The following AGBL1 variants were observed in gnomAD, a reference collection of about 807,000 sequenced individuals.
AGBL1 encodes the protein cytosolic carboxypeptidase 4.
AGBL1 carries 130 observed loss-of-function variants against 118.9 expected under a neutral mutation model. The ratio of observed to expected loss-of-function variants is 1.09; its 90% CI spans 0.95 to 1.26. AGBL1 has a LOEUF of 1.26. AGBL1 is among the 50% of genes most tolerant of loss of function. AGBL1 has a pLI of 0.00. For missense variants in AGBL1, 1,584 were observed against 1,298.1 expected, an observed-to-expected ratio of 1.22 and a Z score of -3.38; for synonymous variants, 555 against 478.9, an observed-to-expected ratio of 1.16 and a Z score of -2.08.
chr15:86,380,573 CCTCA>C (rs138559562), intron 17 of AGBL1, among the ~76,000 whole-genome samples: 2,012 of 147,680 alleles, frequency 0.014, 51 homozygotes, highest in African/African-American at 0.049. Context: ...CTTTCCCCTC[CCTCA>C]CTCCCTCCCT....
intron 17 of AGBL1, among the ~76,000 whole-genome samples, chr15:86,342,756 TAAC>T (rs893846543): frequency 3.3e-5 from 5 of 152,188 alleles, no homozygotes; most frequent in African/African-American, 1.2e-4. Flanking sequence ...TTAAATGAAA[TAAC>T]AAACATATAG....
intron 21 of AGBL1, among the ~76,000 whole-genome samples, chr15:86,589,479 C>A (rs1037934144): frequency 2.6e-5 from 4 of 152,082 alleles, no homozygotes; most frequent in Admixed American, 2.6e-4. Flanking sequence ...CAATAAGATT[C>A]GATATGCATG....
intron 17 of AGBL1, among the ~76,000 whole-genome samples, chr15:86,301,644 GT>G (rs1567187566): frequency 4.8e-3 from 6 of 1,250 alleles, no homozygotes; most frequent in South Asian, 0.019. Context: ...TCTACAGGGT[GT>G]GTGTGTGTGT....
intron 5 of AGBL1, among the ~76,000 whole-genome samples, 186 bp from the exon 6 acceptor site, chr15:86,224,728 C>T (rs1361733618): frequency 6.6e-6 from 1 of 152,184 alleles, no homozygotes; most frequent in African/African-American, 2.4e-5. Context: ...AAGACGGACA[C>T]TTCGCTCAGC....
At chr15:86,643,608 TTG>T (rs1373543747) in intron 21 of AGBL1, among the ~76,000 whole-genome samples, 1 of 152,190 alleles carries the variant, frequency 6.6e-6, no homozygotes, top group Admixed American at 6.5e-5. Context: ...GAACTGATTA[TTG>T]GATTTACTTA....
At chr15:86,807,386 C>T (rs564960708) in intron 22 of AGBL1, among the ~76,000 whole-genome samples, 1 of 152,146 alleles carries the variant, frequency 6.6e-6, no homozygotes, top group Non-Finnish European at 1.5e-5. Context: ...GCATTGAGCA[C>T]CAAATGTGGA....
intron 21 of AGBL1, among the ~76,000 whole-genome samples, chr15:86,560,313 C>T (rs550502331): frequency 2.3e-4 from 34 of 149,656 alleles, no homozygotes; most frequent in South Asian, 4.4e-4. Context: ...CAACAGTCCC[C>T]GGTGTGTGAT....
chr15:86,178,252 G>T (rs998952517), intron 5 of AGBL1, among the ~76,000 whole-genome samples: 1 of 152,188 alleles, frequency 6.6e-6, no homozygotes, highest in Non-Finnish European at 1.5e-5. Context: ...GTTGGAGGTT[G>T]CAGTGAGCCA....
intron 22 of AGBL1, among the ~76,000 whole-genome samples, chr15:86,885,386 C>T (rs901888307): frequency 6.6e-6 from 1 of 152,154 alleles, no homozygotes; most frequent in Non-Finnish European, 1.5e-5. Flanking sequence ...TGTGAAAAGA[C>T]AAGGTTTTTC....
chr15:86,876,640 T>A (rs2079813507), intron 22 of AGBL1, among the ~76,000 whole-genome samples: 1 of 152,338 alleles, frequency 6.6e-6, no homozygotes, highest in Non-Finnish European at 1.5e-5. Flanking sequence ...TTTTTAGCTT[T>A]GTAGGCCATA....
intron 6 of AGBL1, among the ~76,000 whole-genome samples, chr15:86,228,544 G>T (rs2078403755): frequency 6.6e-6 from 1 of 152,188 alleles, no homozygotes; most frequent in South Asian, 2.1e-4. Context: ...ACTAGGGTGG[G>T]TTGGAAATCT....
chr15:86,816,307 A>C (rs972157190), intron 22 of AGBL1, among the ~76,000 whole-genome samples: 1 of 152,206 alleles, frequency 6.6e-6, no homozygotes, highest in Non-Finnish European at 1.5e-5. Context: ...TGAAGAAGGC[A>C]GGTGGCCAGC....
intron 23 of AGBL1, among the ~76,000 whole-genome samples, chr15:86,975,698 C>T (rs1679809227): frequency 1.3e-5 from 2 of 151,376 alleles, no homozygotes; most frequent in Admixed American, 6.6e-5. Flanking sequence ...TGTCTGAGAA[C>T]TTCTTTCCTT....
intron 22 of AGBL1, among the ~76,000 whole-genome samples, chr15:86,771,823 C>T (rs1370789677): frequency 6.6e-6 from 1 of 151,968 alleles, no homozygotes; most frequent in African/African-American, 2.4e-5. Flanking sequence ...TGCTGGAAGC[C>T]ATGTTTTATT....
chr15:86,449,081 C>G (rs6496331), intron 18 of AGBL1, among the ~76,000 whole-genome samples: 1 of 151,706 alleles, frequency 6.6e-6, no homozygotes, highest in Admixed American at 6.6e-5. Context: ...GAGTATATAC[C>G]GAGAAAATAT....
intron 6 of AGBL1, 45 bp downstream of exon 6, chr15:86,224,996 T>C (rs776508074): frequency 6.3e-7 from 1 of 1,594,890 alleles, no homozygotes; most frequent in Admixed American, 1.7e-5. Context: ...CCACTCTGGG[T>C]TTAATGAAAG....
intron 22 of AGBL1, among the ~76,000 whole-genome samples, chr15:86,726,092 T>C (rs4386109): frequency 0.81 from 123,783 of 152,220 alleles, 50,526 homozygotes; most frequent in East Asian, 0.93. Flanking sequence ...ATAGTGCTTG[T>C]TTAGAGTACA....
intron 17 of AGBL1, among the ~76,000 whole-genome samples, chr15:86,303,518 G>T (rs113952294): frequency 3.3e-5 from 5 of 152,250 alleles, no homozygotes; most frequent in African/African-American, 1.2e-4. Context: ...TAAGACTGTT[G>T]TCGGGGGATA....
chr15:86,111,532 T>A (rs187045782), intron 1 of AGBL1, among the ~76,000 whole-genome samples: 316 of 152,352 alleles, frequency 2.1e-3, no homozygotes, highest in African/African-American at 7.4e-3. Flanking sequence ...TTGTTGAAGC[T>A]GAAGCCTCAT....
Sources: gnomAD v4.1 joint callset for allele counts (sites outside exome capture counted in the v4.1 genomes callset) on GRCh38, gnomAD v4.1.1 for gene constraint, MANE v1.5 for transcripts, NCBI Gene and HGNC (gene_info 2026-07-23, HGNC 2026-07-21) for gene names.